The following USP35 variants were observed in gnomAD, a reference collection of about 807,000 sequenced individuals.
The protein encoded by USP35 is ubiquitin carboxyl-terminal hydrolase 35.
Under a neutral mutation model 83.8 loss-of-function variants are expected in USP35, and 69 were observed. The observed-to-expected ratio is 0.82, with a 90% confidence interval of 0.68 to 1.01. The LOEUF is 1.01. Ranked by LOEUF, USP35 falls within the 50% of genes least tolerant of loss-of-function variation. The probability of loss-of-function intolerance (pLI) is 0.00; values close to 1 mark genes in which losing one functional copy is unlikely to be tolerated. For missense variants in USP35, 1,503 were observed against 1,362.5 expected (o/e 1.10, Z -1.62); for synonymous variants, 714 against 589.5 (o/e 1.21, Z -3.06).
downstream of USP35, chr11:78,215,588 C>T (rs892669525): frequency 6.6e-6 from 1 of 152,414 alleles, no homozygotes; most frequent in East Asian, 1.9e-4. Flanking sequence ...ATTTTCTCTT[C>T]CTGACAAACA....
chr11:78,217,574 G>T (rs894677230), downstream of USP35: 1 of 152,148 alleles, frequency 6.6e-6, no homozygotes, highest in Non-Finnish European at 1.5e-5. Context: ...TTCGCCCCAG[G>T]GTAGAATGAA....
rs747509519 is a variant in USP35, at chr11:78,208,853, C to T, written c.1486-4C>T. ...GACCATGCCTTTCGCCTGCCTTGTCCTAGCGGCCTGCCATTTCCCCAGAGA... is the reference window on the plus strand; with the variant it reads ...GACCATGCCTTTCGCCTGCCTTGTCTTAGCGGCCTGCCATTTCCCCAGAGA... On this transcript the variant is annotated splice_region_variant and splice_polypyrimidine_tract_variant and intron_variant, in intron 8 of 10. Transcript: ENST00000529308. 3 of 1,614,208 alleles carry T rather than the reference C, an allele frequency of 1.9e-6. No individual in the cohort carries two copies. Among genetic ancestry groups the T allele is most frequent in the Non-Finnish European group, 1.7e-6 (2 of 1,180,012 alleles).
At chr11:78,213,249 G>A (rs997299602) in intron 10 of USP35, among the ~76,000 whole-genome samples, 3 of 152,162 alleles carry the variant, frequency 2.0e-5, no homozygotes, top group Admixed American at 6.5e-5. Context: ...GGTAAGGATC[G>A]CCATGAGGCT....
chr11:78,191,384 C>A (rs947901631), intron 1 of USP35, among the ~76,000 whole-genome samples: 1 of 152,244 alleles, frequency 6.6e-6, no homozygotes, highest in Non-Finnish European at 1.5e-5. Flanking sequence ...CTCAGGCTGT[C>A]ATGCCAGTAG....
downstream of USP35, chr11:78,219,048 G>A (rs1417835903): frequency 5.6e-6 from 3 of 539,280 alleles, no homozygotes; most frequent in Non-Finnish European, 9.9e-6. Flanking sequence ...GGCCATTACT[G>A]ATAAAAATCA....
chr11:78,231,317 T>TGCGC, the USP35 span, among the ~76,000 whole-genome samples: 55 of 143,808 alleles, frequency 3.8e-4, 1 homozygote, highest in African/African-American at 1.4e-3. Flanking sequence ...TCTCCCTTGG[T>TGCGC]GCGCGCGCGC....
At chr11:78,222,314 C>T in the USP35 span, 2 of 691,772 alleles carry the variant, frequency 2.9e-6, no homozygotes, top group African/African-American at 3.5e-5. Flanking sequence ...CAGTTTCACA[C>T]AGGGAAACTG....
Position 78,196,908 on chromosome 11 carries a change from C to T in USP35, c.663C>T (p.Ile221=), listed in dbSNP as rs956223891. 41 of 1,462,986 alleles carry T rather than the reference C, an allele frequency of 2.8e-5. No individual in the cohort carries two copies. Among genetic ancestry groups the T allele is most frequent in the Non-Finnish European group, 3.6e-5 (40 of 1,110,706 alleles). The allele number at this position is 1,462,986 out of a possible 1,614,324, so 90.6% of individuals were successfully genotyped here. Residue 221 remains isoleucine (I), a synonymous_variant, in exon 2 of 11, where the codon ATC becomes ATT. Coordinates refer to ENST00000529308, the MANE Select transcript of USP35 (RefSeq NM_020798.4). The surrounding 1 kb of genome is among the most constrained non-coding windows in gnomAD (Gnocchi z 4.8). ...GCCTCAAAGAGCTGTTCGCAGTCAT[C>T]TCCTGCGCAGGTGCGTGTGCGGCCG... The part of the protein sequence containing the change: ...LPCLKELFAV[I]SCAEEEPPSS...
At chr11:78,198,568 C>G (rs1322256664) in intron 3 of USP35, 3 of 976,590 alleles carry the variant, frequency 3.1e-6, no homozygotes, top group Non-Finnish European at 3.7e-6. Flanking sequence ...TATGCCGCTC[C>G]CCTCCTCCCT....
chr11:78,200,012 T>C, intron 4 of USP35, 121 bp from the exon 5 acceptor site: 1 of 1,089,782 alleles, frequency 9.2e-7, no homozygotes. Flanking sequence ...AGCACCTCAG[T>C]GTTGATCCCT....
chr11:78,221,726 C>T, the USP35 span: 3 of 1,613,784 alleles, frequency 1.9e-6, no homozygotes, highest in Non-Finnish European at 2.5e-6. Context: ...GCTGGTGATG[C>T]TCTGGGTGGA....
chr11:78,200,641 C>T lies in USP35; in HGVS notation c.1039-9C>T, dbSNP rs1863321832. The stretch of plus-strand genomic sequence containing the variant: ...TGGTGCTGAGCCTGACGCAGCTCTG[C>T]TCCCACAGCTCCTCCCTCACATCCC... On this transcript the variant is annotated splice_polypyrimidine_tract_variant and intron_variant, in intron 5 of 10. Transcript: ENST00000529308. 1.9e-6 allele frequency: 3 copies of T among 1,603,690 alleles called. No individual in the cohort carries two copies. Among genetic ancestry groups the T allele is most frequent in the African/African-American group, 1.3e-5 (1 of 74,660 alleles).
rs1863623689 is a variant in USP35 at position 78,208,912 on chromosome 11, GC to G, written c.1544del (p.Pro515LeufsTer11). On this transcript the variant is annotated frameshift_variant, in exon 9 of 11. Coordinates refer to ENST00000529308, the MANE Select transcript of USP35 (RefSeq NM_020798.4). LOFTEE classifies it high-confidence loss of function. ...TCCGCATCCTGGACGCCCTGGTTCA[GC>G]CCTGGCACCCAGCAGGACTGCTCGG... is the stretch of plus-strand genomic sequence containing the variant. ...FLSASWTPWF[S>X]PGTQQDCSEY... 2 of 1,614,236 alleles carry G rather than the reference GC, an allele frequency of 1.2e-6. No individual in the cohort carries two copies. Among genetic ancestry groups the G allele is most frequent in the Non-Finnish European group, 1.7e-6 (2 of 1,180,036 alleles).
Position 78,208,907 on chromosome 11 carries a change from G to A in USP35, c.1536G>A (p.Trp512Ter), listed in dbSNP as rs866914913. Residue 512 changes from tryptophan (W) to a stop codon, truncating the protein, a stop_gained, in exon 9 of 11, where the codon TGG (tryptophan) becomes TGA (stop). Coordinates refer to ENST00000529308, the MANE Select transcript of USP35 (RefSeq NM_020798.4). LOFTEE classifies it high-confidence loss of function. ...TCCTCTCCGCATCCTGGACGCCCTG[G>A]TTCAGCCCTGGCACCCAGCAGGACT... is the stretch of plus-strand genomic sequence containing the variant. Reference protein sequence around the residue: ...ENFLSASWTPWFSPGTQQDCS... With the variant: ...ENFLSASWTP 1.9e-6 allele frequency: 3 copies of A among 1,614,204 alleles called. No homozygotes were observed. The highest frequency in any genetic ancestry group is 3.3e-4 in the Middle Eastern group (2 of 6,062).
intron 7 of USP35, chr11:78,207,314 T>TC (rs1863558739): frequency 7.3e-6 from 4 of 549,400 alleles, no homozygotes; most frequent in Non-Finnish European, 9.8e-6. Flanking sequence ...CTTCATTGTC[T>TC]AAAACATGTC....
At chr11:78,213,311 C>G (rs1026617755) in intron 10 of USP35, among the ~76,000 whole-genome samples, 1 of 152,098 alleles carries the variant, frequency 6.6e-6, no homozygotes. Context: ...GCCCATTCCT[C>G]GTGATCATGA....
Position 78,199,740 on chromosome 11 carries a change from C to G in USP35, c.936+16C>G, listed in dbSNP as rs1424787686. On this transcript the variant is annotated intron_variant, in intron 4 of 10. Coordinates refer to ENST00000529308, the MANE Select transcript of USP35 (RefSeq NM_020798.4). ...AATTGAGAAGGTTGGTGCCCCTGTC[C>G]TAGCCCAGAGTTACAGCCTTTTGTA... 1.1e-5 allele frequency: 18 copies of G among 1,614,164 alleles called. No homozygotes were observed. The East Asian group carries it at 4.0e-4, about 36-fold the overall frequency.
In USP35 at chr11:78,209,474, CA is replaced by C; in HGVS notation, c.1621del (p.Arg541GlyfsTer34). The C allele has an allele frequency of 6.2e-7, 1 of 1,610,338 alleles. No homozygotes were observed. The highest frequency in any genetic ancestry group is 8.5e-7 in the Non-Finnish European group (1 of 1,177,562). ...CTGCACGAAGAGGAGAAAACGGGCA[CA>C]AGGATCTGCCAGAAACTCAAGCAGT... Reference protein sequence around the residue: ...DRLHEEEKTGTRICQKLKQSS... With the variant: ...DRLHEEEKTGXRICQKLKQSS... On this transcript the variant is annotated frameshift_variant, in exon 10 of 11. Coordinates refer to ENST00000529308, the MANE Select transcript of USP35 (RefSeq NM_020798.4). LOFTEE classifies it high-confidence loss of function.
chr11:78,193,254 C>T (rs982914251), intron 1 of USP35, among the ~76,000 whole-genome samples: 4 of 152,148 alleles, frequency 2.6e-5, no homozygotes, highest in East Asian at 3.9e-4. Context: ...AGTGCAGTGG[C>T]GTGATCTCAG....
Sources: allele counts gnomAD v4.1 joint callset (sites outside exome capture counted in the v4.1 genomes callset), GRCh38; gene constraint gnomAD v4.1.1; non-coding constraint Gnocchi (gnomAD v3.1); transcripts MANE v1.5; gene names NCBI Gene and HGNC (gene_info 2026-07-23, HGNC 2026-07-21).